The following SPAG16 variants were observed in gnomAD, a reference collection of about 807,000 sequenced individuals.
SPAG16 encodes the protein sperm-associated antigen 16 protein.
SPAG16 carries 86 observed loss-of-function variants against 80.4 expected under a neutral mutation model. That is an observed-to-expected ratio of 1.07 (90% CI 0.90 to 1.28). SPAG16 has a LOEUF of 1.28. SPAG16 is among the 50% of genes most tolerant of loss of function. The pLI, the probability that SPAG16 is intolerant of heterozygous loss-of-function variation, is 0.00. For synonymous variants in SPAG16, 294 were observed against 265.9 expected (o/e 1.11, Z -1.03); for missense variants, 870 against 765.3 (o/e 1.14, Z -1.61).
chr2:213,361,460 G>C (rs1461633233), intron 7 of SPAG16, among the ~76,000 whole-genome samples: 1 of 150,700 alleles, frequency 6.6e-6, no homozygotes, highest in African/African-American at 2.4e-5. Flanking sequence ...GAGTCTAGAA[G>C]TAGTGACACT....
At chr2:213,944,619 A>G (rs2079359714) in intron 12 of SPAG16, among the ~76,000 whole-genome samples, 1 of 152,138 alleles carries the variant, frequency 6.6e-6, no homozygotes. Context: ...TAGGTAAAAC[A>G]TTTCTGTTGG....
intron 10 of SPAG16, among the ~76,000 whole-genome samples, chr2:213,671,984 G>A (rs1401568733): frequency 6.6e-6 from 1 of 152,106 alleles, no homozygotes; most frequent in Non-Finnish European, 1.5e-5. Context: ...TGCATCATCA[G>A]CACATGAGAT....
chr2:213,668,717 T>G (rs1296085876), intron 10 of SPAG16, among the ~76,000 whole-genome samples: 1 of 152,058 alleles, frequency 6.6e-6, no homozygotes, highest in East Asian at 1.9e-4. Context: ...GGTGCAATCT[T>G]GGCTCACTGC....
At chr2:213,440,344 T>C (rs1277685886) in intron 9 of SPAG16, among the ~76,000 whole-genome samples, 1 of 151,978 alleles carries the variant, frequency 6.6e-6, no homozygotes, top group Non-Finnish European at 1.5e-5. Context: ...GGTCAGGAGA[T>C]TGAGACCATC....
chr2:213,677,793 AC>A (rs1315700933), intron 10 of SPAG16, among the ~76,000 whole-genome samples: 2 of 152,200 alleles, frequency 1.3e-5, no homozygotes, highest in Non-Finnish European at 2.9e-5. Flanking sequence ...AGAAGTCTCC[AC>A]CCCAAATCAA....
At chr2:213,891,947 C>T (rs1056923255) in intron 11 of SPAG16, among the ~76,000 whole-genome samples, 5 of 152,102 alleles carry the variant, frequency 3.3e-5, no homozygotes, top group Non-Finnish European at 2.9e-5. Flanking sequence ...TCTGTTTTTA[C>T]TCACAGAAAG....
Position 213,757,912 on chromosome 2 carries a change from C to G in SPAG16, c.1071-104573C>G, listed in dbSNP as rs1284227977. On this transcript the variant is annotated intron_variant, in intron 10 of 15. Transcript: ENST00000331683. ...CTCTATCCATTATTGCAAGCCCCTC[C>G]CTGCTGGCTGAAGTGACTTCCAGAA... is the stretch of plus-strand genomic sequence containing the variant. Among the ~76,000 whole-genome samples, 4 of 152,048 alleles carry G rather than the reference C, an allele frequency of 2.6e-5. No homozygotes were observed. The East Asian group carries it at 7.8e-4, about 30-fold the overall frequency.
chr2:213,824,894 C>CAGT (rs1197832027), intron 10 of SPAG16, among the ~76,000 whole-genome samples: 11 of 152,160 alleles, frequency 7.2e-5, no homozygotes, highest in Non-Finnish European at 1.6e-4. Context: ...TTTGTCTCCT[C>CAGT]TTCAGTTTCT....
rs180857718 is a variant in SPAG16, at chr2:214,407,280, A to G, written c.1721-2860A>G. ...TGTTAAAATACTAAGCTAAATAACA[A>G]CTTAATAATCTGTTCAGAAATTACA... is the stretch of plus-strand genomic sequence containing the variant. On this transcript the variant is annotated intron_variant, in intron 15 of 15. Transcript: ENST00000331683. Among the ~76,000 whole-genome samples, 25 of 152,188 alleles carry G rather than the reference A, an allele frequency of 1.6e-4. No homozygotes were observed. The East Asian group carries it at 4.2e-3, about 26-fold the overall frequency.
intron 12 of SPAG16, among the ~76,000 whole-genome samples, chr2:213,994,742 A>G (rs1001509566): frequency 3.3e-5 from 5 of 152,302 alleles, no homozygotes; most frequent in South Asian, 2.1e-4. Flanking sequence ...GCTATAATAT[A>G]AAGGAAATAA....
chr2:213,593,233 C>A (rs1166441806), intron 10 of SPAG16, among the ~76,000 whole-genome samples: 1 of 152,150 alleles, frequency 6.6e-6, no homozygotes, highest in African/African-American at 2.4e-5. Flanking sequence ...TGTGTGGCTT[C>A]TAATACCCCT....
intron 9 of SPAG16, among the ~76,000 whole-genome samples, chr2:213,448,816 A>C (rs983311753): frequency 6.6e-6 from 1 of 152,210 alleles, no homozygotes; most frequent in African/African-American, 2.4e-5. Context: ...TGTAATAATT[A>C]TGTTAACTGT....
intron 12 of SPAG16, among the ~76,000 whole-genome samples, chr2:213,955,757 A>G (rs558278365): frequency 7.2e-5 from 11 of 152,182 alleles, no homozygotes; most frequent in African/African-American, 2.4e-4. Flanking sequence ...CATTTCATCC[A>G]CACTATCCAA....
chr2:214,018,720 A>G (rs192133653), intron 13 of SPAG16, among the ~76,000 whole-genome samples: 1 of 152,294 alleles, frequency 6.6e-6, no homozygotes, highest in Non-Finnish European at 1.5e-5. Context: ...TGTCACCTCA[A>G]TGTGATCAGT....
At chr2:213,929,390 C>T (rs566736837) in intron 11 of SPAG16, among the ~76,000 whole-genome samples, 3 of 152,182 alleles carry the variant, frequency 2.0e-5, no homozygotes, top group Middle Eastern at 3.4e-3. Context: ...TACTGATTAC[C>T]GAAATGCAAA....
At chr2:213,357,857 G>A (rs568481884) in intron 7 of SPAG16, among the ~76,000 whole-genome samples, 264 of 152,276 alleles carry the variant, frequency 1.7e-3, no homozygotes, top group Non-Finnish European at 3.0e-3. Flanking sequence ...AGCATTGATG[G>A]TCTTTACAAT....
chr2:213,528,022 A>G (rs1382166071), intron 10 of SPAG16, among the ~76,000 whole-genome samples: 1 of 152,188 alleles, frequency 6.6e-6, no homozygotes, highest in Non-Finnish European at 1.5e-5. Flanking sequence ...GGAAGAAGAA[A>G]TGAATCATGA....
intron 9 of SPAG16, among the ~76,000 whole-genome samples, chr2:213,397,983 T>A (rs1423213460): frequency 2.6e-5 from 4 of 152,180 alleles, no homozygotes; most frequent in Non-Finnish European, 2.9e-5. Context: ...CCCTTCCATG[T>A]TCTCCTTCTT....
chr2:214,139,540 A>G lies in SPAG16; in HGVS notation c.1594-9600A>G, dbSNP rs939266172. 2.6e-5 allele frequency among the ~76,000 whole-genome samples: 4 copies of G among 152,216 alleles called. No individual in the cohort carries two copies. The East Asian group carries it at 7.7e-4, about 29-fold the overall frequency. On this transcript the variant is annotated intron_variant, in intron 14 of 15. Coordinates refer to ENST00000331683, the MANE Select transcript of SPAG16 (RefSeq NM_024532.5). ...TATTCTGTAGAAAAGAGCGTCTTCA[A>G]TTTAATTCTAATATATTTATTTTAA... is the stretch of plus-strand genomic sequence containing the variant.
Sources: gnomAD v4.1 joint callset for allele counts (sites outside exome capture counted in the v4.1 genomes callset) on GRCh38, gnomAD v4.1.1 for gene constraint, MANE v1.5 for transcripts, NCBI Gene and HGNC (gene_info 2026-07-23, HGNC 2026-07-21) for gene names.